The following TCERG1 variants were observed in gnomAD, a reference collection of about 807,000 sequenced individuals.
TCERG1 encodes the protein transcription elongation regulator 1, also known as TATA box binding protein (TBP)-associated factor, RNA polymerase II, S, 150kD.
In TCERG1, 37 loss-of-function variants were observed where a neutral mutation model predicts 144.7. The observed-to-expected ratio is 0.26, with a 90% confidence interval of 0.20 to 0.34. TCERG1 has a LOEUF of 0.34. Ranked by LOEUF, TCERG1 falls within the 10% of genes least tolerant of loss-of-function variation. The pLI, the probability that TCERG1 is intolerant of heterozygous loss-of-function variation, is 1.00. For missense variants in TCERG1, 1,027 were observed against 1,380.7 expected (o/e 0.74, Z 4.06); for synonymous variants, 492 against 458.2 (o/e 1.07, Z -0.94).
chr5:146,497,951 T>C (rs542555483), intron 16 of TCERG1, among the ~76,000 whole-genome samples: 96 of 152,328 alleles, frequency 6.3e-4, no homozygotes, highest in African/African-American at 2.1e-3. Context: ...CAGATTTTTC[T>C]TGGGTACCCT....
intron 14 of TCERG1, among the ~76,000 whole-genome samples, chr5:146,483,253 A>T (rs889808466): frequency 1.3e-5 from 2 of 152,152 alleles, no homozygotes; most frequent in African/African-American, 4.8e-5. Flanking sequence ...TAAATCTTCA[A>T]GGCTTTTTCT....
At position 146,478,616 on chromosome 5, in the gene TCERG1, C is replaced by G; in HGVS notation, c.1725C>G (p.Pro575=). The G allele has an allele frequency of 6.2e-7, 1 of 1,602,312 alleles. No individual in the cohort carries two copies. The highest frequency in any genetic ancestry group is 8.5e-7 in the Non-Finnish European group (1 of 1,176,166). ...ATGTTGACAAAATTATTCAGGAGCCCCCTCATAAAAAAGGAATGGAGGAAT... is the reference window on the plus strand; with the variant it reads ...ATGTTGACAAAATTATTCAGGAGCCGCCTCATAAAAAAGGAATGGAGGAAT... The part of the protein sequence containing the change: ...RADVDKIIQE[P]PHKKGMEELK... Residue 575 remains proline, a synonymous_variant, in exon 10 of 23, where the codon CCC becomes CCG. Coordinates refer to ENST00000679501, the MANE Select transcript of TCERG1 (RefSeq NM_001382548.1).
In TCERG1 at chr5:146,498,691, G is replaced by A; in HGVS notation, c.2433+5G>A. 1 of 1,606,404 alleles carries A rather than the reference G, an allele frequency of 6.2e-7. No individual in the cohort carries two copies. Among genetic ancestry groups the A allele is most frequent in the Non-Finnish European group, 8.5e-7 (1 of 1,177,146 alleles). ...TCGAAGACCAGAGGTGAGAAGGTAA[G>A]ATGGTTTTAGTTCCAGTGGTGTGAT... On this transcript the variant is annotated splice_donor_5th_base_variant and intron_variant, in intron 17 of 22. Transcript: ENST00000679501.
intron 6 of TCERG1, 151 bp downstream of exon 6, chr5:146,468,554 T>C: frequency 1.7e-6 from 1 of 603,486 alleles, no homozygotes; most frequent in South Asian, 3.4e-5. Flanking sequence ...GTTGTCATAT[T>C]TGGCCAACAC....
chr5:146,487,731 CAAAAA>C (rs60367472), intron 15 of TCERG1, among the ~76,000 whole-genome samples: 2 of 108,048 alleles, frequency 1.9e-5, no homozygotes, highest in Non-Finnish European at 2.2e-5. Context: ...GACCCTGTTT[CAAAAA>C]AAAAAAAAAA....
intron 15 of TCERG1, among the ~76,000 whole-genome samples, chr5:146,491,623 T>A (rs140771616): frequency 2.0e-5 from 3 of 152,212 alleles, no homozygotes; most frequent in Non-Finnish European, 4.4e-5. Context: ...GAGAACTAAC[T>A]GTGTCTTAGT....
chr5:146,447,526 C>G, intron 1 of TCERG1, 118 bp downstream of exon 1: 2 of 1,337,604 alleles, frequency 1.5e-6, no homozygotes, highest in Non-Finnish European at 2.0e-6. Flanking sequence ...GCGGCCCGGG[C>G]CGGGACCGCA....
intron 15 of TCERG1, among the ~76,000 whole-genome samples, chr5:146,487,147 A>C (rs1174386567): frequency 6.6e-6 from 1 of 152,202 alleles, no homozygotes; most frequent in African/African-American, 2.4e-5. Context: ...TATCCAAAAC[A>C]ATAGTGTTTC....
intron 8 of TCERG1, 49 bp downstream of exon 8, chr5:146,470,797 A>G: frequency 7.4e-7 from 1 of 1,350,564 alleles, no homozygotes. Flanking sequence ...ATTGTTTCCT[A>G]CAGCTTACTT....
intron 16 of TCERG1, 81 bp downstream of exon 16, chr5:146,493,119 A>T: frequency 9.3e-7 from 1 of 1,071,236 alleles, no homozygotes; most frequent in Non-Finnish European, 1.3e-6. Context: ...AAAAATAGAT[A>T]TTTTTTGACT....
At chr5:146,470,555 A>G (rs1264931402) in intron 7 of TCERG1, 81 bp from the exon 8 acceptor site, 1 of 1,153,096 alleles carries the variant, frequency 8.7e-7, no homozygotes, top group East Asian at 2.4e-5. Flanking sequence ...GGAATGGAAT[A>G]TCTTAATGGC....
At chr5:146,480,994 A>G (rs1765318566) in intron 12 of TCERG1, among the ~76,000 whole-genome samples, 156 bp from the exon 13 acceptor site, 1 of 150,706 alleles carries the variant, frequency 6.6e-6, no homozygotes, top group Non-Finnish European at 1.5e-5. Flanking sequence ...AAAAACCTAG[A>G]ATAAGACATT....
At chr5:146,491,317 T>G (rs1162812229) in intron 15 of TCERG1, among the ~76,000 whole-genome samples, 1 of 152,052 alleles carries the variant, frequency 6.6e-6, no homozygotes, top group Non-Finnish European at 1.5e-5. Flanking sequence ...AGGTGGGCCC[T>G]CGTGCTTTGG....
chr5:146,510,070 A>C (rs1269209661), intron 22 of TCERG1: 2 of 1,292,926 alleles, frequency 1.5e-6, no homozygotes, highest in East Asian at 1.1e-4. Context: ...TTTATAGTTA[A>C]TTTAGTGAAA....
rs536753318 is a variant in TCERG1 at position 146,449,612 on chromosome 5, A to T, written c.59+2204A>T. 1.3e-4 allele frequency among the ~76,000 whole-genome samples: 20 copies of T among 152,336 alleles called. No individual in the cohort carries two copies. In the South Asian group the frequency reaches 3.9e-3, roughly 30 times the overall value. On this transcript the variant is annotated intron_variant, in intron 1 of 22. Transcript: ENST00000679501. Reference sequence around the variant, plus strand: ...TTGTCTTTAGCATTGGGGAGATTGCATATCTGGATAGAGAACTTCTATTGT... The same window carrying T: ...TTGTCTTTAGCATTGGGGAGATTGCTTATCTGGATAGAGAACTTCTATTGT...
At chr5:146,492,128 A>G (rs1042436367) in intron 15 of TCERG1, among the ~76,000 whole-genome samples, 2 of 152,164 alleles carry the variant, frequency 1.3e-5, no homozygotes, top group African/African-American at 4.8e-5. Context: ...AACTTATTAA[A>G]TAGCTTTTCA....
At chr5:146,459,528 G>A (rs539699507) in intron 4 of TCERG1, among the ~76,000 whole-genome samples, 191 bp downstream of exon 4, 1 of 152,314 alleles carries the variant, frequency 6.6e-6, no homozygotes, top group East Asian at 1.9e-4. Flanking sequence ...GAAATTATTT[G>A]CCCAGTTGCA....
At chr5:146,489,728 C>T (rs1766216367) in intron 15 of TCERG1, among the ~76,000 whole-genome samples, 1 of 152,102 alleles carries the variant, frequency 6.6e-6, no homozygotes, top group Non-Finnish European at 1.5e-5. Flanking sequence ...CATTTTTGTT[C>T]ATGCCTATAA....
In TCERG1 at chr5:146,470,656, A is replaced by C. The variant is rs149674829; in HGVS notation, c.1420A>C (p.Lys474Gln). The C allele has an allele frequency of 1.9e-6, 3 of 1,607,258 alleles. No homozygotes were observed. In the Admixed American group the frequency reaches 5.2e-5, roughly 28 times the overall value. Residue 474 changes from lysine (K) to glutamine (Q), a missense_variant, in exon 8 of 23, where the codon AAA becomes CAA. By Grantham distance (53) the Lys-to-Gln change is moderately conservative (BLOSUM62 1). This residue lies in a region of TCERG1 where 482 missense variants were observed against 632.6 expected (regional missense o/e 0.76). Transcript: ENST00000679501. ...KEKEKLEEKI[K>Q]EPIKEPSEEP... ...CATAGAAAAGTTAGAAGAGAAGATT[A>C]AAGAGCCAATTAAAGAACCCTCTGA...
Sources: allele counts gnomAD v4.1 joint callset (sites outside exome capture counted in the v4.1 genomes callset), GRCh38; gene constraint gnomAD v4.1.1; regional missense constraint gnomAD v4.1.1; transcripts MANE v1.5; gene names NCBI Gene and HGNC (gene_info 2026-07-23, HGNC 2026-07-21).